GSE1: variants seen among roughly 807,000 people sequenced by gnomAD.
GSE1 encodes genetic suppressor element 1.
In GSE1, 32 loss-of-function variants were observed where a neutral mutation model predicts 112.6. That is an observed-to-expected ratio of 0.28 (90% CI 0.21 to 0.38). The LOEUF (loss-of-function observed/expected upper bound fraction) is 0.38. Ranked by LOEUF, GSE1 falls within the 10% of genes least tolerant of loss-of-function variation. GSE1 has a pLI of 1.00. For missense variants in GSE1, 2,348 were observed against 1,699.2 expected, an observed-to-expected ratio of 1.38 and a Z score of -6.71; for synonymous variants, 1,115 against 735.6, an observed-to-expected ratio of 1.52 and a Z score of -8.35.
chr16:85,426,074 G>GAT (rs1567477090), intron 2 of GSE1, among the ~76,000 whole-genome samples: 3 of 130,374 alleles, frequency 2.3e-5, no homozygotes, highest in Non-Finnish European at 1.7e-5. Flanking sequence ...TGGATGGATG[G>GAT]GTAGATGGAT....
chr16:85,392,386 A>T (rs764668189), intron 2 of GSE1, among the ~76,000 whole-genome samples: 4 of 152,230 alleles, frequency 2.6e-5, no homozygotes, highest in Non-Finnish European at 2.9e-5. Context: ...GGCTATACTT[A>T]TGCTCTTAAA....
chr16:85,197,497 A>G (rs924018991), intron 1 of GSE1, among the ~76,000 whole-genome samples: 2 of 152,140 alleles, frequency 1.3e-5, no homozygotes, highest in African/African-American at 4.8e-5. Flanking sequence ...AAAATCCCAA[A>G]TCTTTTATCT....
intron 1 of GSE1, among the ~76,000 whole-genome samples, chr16:85,306,538 C>G (rs1399708327): frequency 6.6e-6 from 1 of 152,200 alleles, no homozygotes; most frequent in Non-Finnish European, 1.5e-5. Context: ...GGGGAAATAA[C>G]TTTCTAGCCT....
intron 2 of GSE1, among the ~76,000 whole-genome samples, chr16:85,487,000 T>TC (rs919795753): frequency 2.0e-5 from 3 of 152,172 alleles, no homozygotes; most frequent in Admixed American, 2.0e-4. Flanking sequence ...GACTTGGGGT[T>TC]CACGGGTGGT....
intron 2 of GSE1, among the ~76,000 whole-genome samples, chr16:85,453,469 G>A (rs2049741628): frequency 1.3e-5 from 2 of 152,132 alleles, no homozygotes; most frequent in African/African-American, 4.8e-5. Flanking sequence ...GCTTGTGGGG[G>A]CTGGGTCCCA....
intron 2 of GSE1, among the ~76,000 whole-genome samples, chr16:85,483,954 C>T (rs558841676): frequency 6.6e-6 from 1 of 152,260 alleles, no homozygotes; most frequent in Admixed American, 6.5e-5. Context: ...GACTTTCAGA[C>T]CTAAGCGTTG....
intron 1 of GSE1, among the ~76,000 whole-genome samples, chr16:85,235,428 C>CTCTTTGTGTGTGTGTG (rs775585078): frequency 7.9e-6 from 1 of 126,318 alleles, no homozygotes; most frequent in South Asian, 2.9e-4. Context: ...TGGAAGGGTA[C>CTCTTTGTGTGTGTGTG]TGTGTGTGTG....
At position 85,493,543 on chromosome 16, in the gene GSE1, C is replaced by T. The variant is rs188269495; in HGVS notation, c.2464+135900C>T. Among the ~76,000 whole-genome samples the T allele has an allele frequency of 1.2e-3, 185 of 152,130 alleles. No individual in the cohort carries two copies. The East Asian group carries it at 0.012, about 10-fold the overall frequency. ...CCGAGGCAGGCGGATCTCCTGAGGT[C>T]GGGAGTTCAAGACCAGCCTGACCAA... On this transcript the variant is annotated intron_variant, in intron 2 of 2. Transcript: ENST00000637419.
At chr16:85,600,570 C>CAA (rs1294892770) in intron 1 of GSE1, among the ~76,000 whole-genome samples, 101 of 150,890 alleles carry the variant, frequency 6.7e-4, no homozygotes, top group African/African-American at 2.5e-3. Context: ...AAAACACACA[C>CAA]ACACACACAC....
intron 2 of GSE1, among the ~76,000 whole-genome samples, chr16:85,392,147 G>A (rs2047853421): frequency 6.6e-6 from 1 of 152,010 alleles, no homozygotes; most frequent in Non-Finnish European, 1.5e-5. Context: ...CTTGTCCTGG[G>A]ATCCGCCTCT....
intron 2 of GSE1, among the ~76,000 whole-genome samples, chr16:85,363,458 C>T (rs369456617): frequency 5.9e-5 from 9 of 152,192 alleles, no homozygotes; most frequent in African/African-American, 2.2e-4. Context: ...CCCTGGCCGA[C>T]CAGGACTGGA....
intron 1 of GSE1, among the ~76,000 whole-genome samples, chr16:85,562,014 C>T (rs2045543055): frequency 1.3e-5 from 2 of 152,246 alleles, no homozygotes; most frequent in South Asian, 4.1e-4. Context: ...CTTGCATAGC[C>T]TCAGGCTTGT....
chr16:85,243,939 C>T (rs1447303437), intron 1 of GSE1, among the ~76,000 whole-genome samples: 2 of 152,098 alleles, frequency 1.3e-5, no homozygotes, highest in Non-Finnish European at 2.9e-5. Context: ...CCAGCCTGGC[C>T]AACATAGAGA....
intron 1 of GSE1, among the ~76,000 whole-genome samples, chr16:85,332,110 G>A (rs2046387724): frequency 6.6e-6 from 1 of 152,140 alleles, no homozygotes; most frequent in Non-Finnish European, 1.5e-5. Flanking sequence ...AGCCAGGGAT[G>A]GGGCAGGGGG....
intron 1 of GSE1, among the ~76,000 whole-genome samples, chr16:85,215,995 A>G (rs2075301499): frequency 6.6e-6 from 1 of 152,122 alleles, no homozygotes; most frequent in Non-Finnish European, 1.5e-5. Flanking sequence ...GACATACTTG[A>G]CACGTGTTCC....
chr16:85,494,666 A>G (rs2051113406), intron 2 of GSE1, among the ~76,000 whole-genome samples: 1 of 152,178 alleles, frequency 6.6e-6, no homozygotes, highest in Non-Finnish European at 1.5e-5. Context: ...GGCCTCCCAA[A>G]GTGCTGGGAC....
chr16:85,412,876 A>G (rs571705164), intron 2 of GSE1, among the ~76,000 whole-genome samples: 1 of 152,284 alleles, frequency 6.6e-6, no homozygotes, highest in East Asian at 1.9e-4. Flanking sequence ...AGGGATGAGG[A>G]CAGGGACATC....
chr16:85,314,547 C>T (rs1861069496), intron 1 of GSE1, among the ~76,000 whole-genome samples: 1 of 152,156 alleles, frequency 6.6e-6, no homozygotes, highest in South Asian at 2.1e-4. Context: ...CATGCACACA[C>T]ATGAGCATGT....
chr16:85,215,969 G>T (rs1186363316), intron 1 of GSE1, among the ~76,000 whole-genome samples: 1 of 152,188 alleles, frequency 6.6e-6, no homozygotes, highest in Non-Finnish European at 1.5e-5. Flanking sequence ...CAGAGCCCTT[G>T]GAGGGGTGGG....
Sources: allele counts gnomAD v4.1 joint callset (sites outside exome capture counted in the v4.1 genomes callset), GRCh38; gene constraint gnomAD v4.1.1; transcripts MANE v1.5; gene names NCBI Gene and HGNC (gene_info 2026-07-23, HGNC 2026-07-21).